KALRN: variants seen among roughly 807,000 people sequenced by gnomAD.
KALRN encodes the protein kalirin.
A neutral mutation model predicts 353.7 loss-of-function variants in KALRN; 70 were observed. That is an observed-to-expected ratio of 0.20 (90% CI 0.16 to 0.24). The LOEUF (loss-of-function observed/expected upper bound fraction) is 0.24, where lower values mean the gene tolerates loss of function less well. Ranked by LOEUF, KALRN falls within the 10% of genes least tolerant of loss-of-function variation. KALRN has a pLI of 1.00. For synonymous variants in KALRN, 1,391 were observed against 1,434.8 expected, an observed-to-expected ratio of 0.97 and a Z score of 0.69; for missense variants, 2,791 against 3,756.7, an observed-to-expected ratio of 0.74 and a Z score of 6.72.
intron 36 of KALRN, among the ~76,000 whole-genome samples, chr3:124,634,290 G>A (rs1376135323): frequency 6.6e-6 from 1 of 152,166 alleles, no homozygotes; most frequent in African/African-American, 2.4e-5. Flanking sequence ...CAACCATTTT[G>A]TCGTACCTGA....
chr3:124,339,657 A>G (rs1159486657), intron 9 of KALRN, among the ~76,000 whole-genome samples: 1 of 152,174 alleles, frequency 6.6e-6, no homozygotes, highest in East Asian at 1.9e-4. Flanking sequence ...TGCTCTTCAC[A>G]CTGTGTGTAC....
intron 21 of KALRN, among the ~76,000 whole-genome samples, chr3:124,454,456 A>G (rs1163870404): frequency 6.6e-6 from 1 of 152,258 alleles, no homozygotes; most frequent in Admixed American, 6.5e-5. Flanking sequence ...ACAGTAACAC[A>G]CTATGTAAAT....
rs1439508173 is a variant in KALRN at position 124,398,751 on chromosome 3, C to T, written c.2226C>T (p.Ile742=). 10 of 1,614,070 alleles carry T rather than the reference C, an allele frequency of 6.2e-6. No individual in the cohort carries two copies. Among genetic ancestry groups the T allele is most frequent in the African/African-American group, 4.0e-5 (3 of 74,934 alleles). The change falls in exon 13 of 60, where the codon ATC becomes ATT. Residue 742 remains isoleucine (I), a synonymous_variant. Coordinates refer to ENST00000682506, the MANE Select transcript of KALRN (RefSeq NM_001388419.1). ...CCCACAGCAGCTCCATCAGCCACAT[C>T]GAGTCGGTCCTGCAGCAGCTTGATG... The part of the protein sequence containing the change: ...KTPHSSSISH[I]ESVLQQLDDA...
intron 7 of KALRN, 148 bp from the exon 8 acceptor site, chr3:124,329,713 T>C: frequency 1.3e-6 from 1 of 793,462 alleles, no homozygotes; most frequent in Non-Finnish European, 2.0e-6. Flanking sequence ...GTTCATAGAA[T>C]TAAAAAAACT....
intron 1 of KALRN, chr3:124,094,861 G>C (rs761715314): frequency 1.2e-6 from 2 of 1,614,168 alleles, no homozygotes; most frequent in East Asian, 4.5e-5. Context: ...TCTGGGACCA[G>C]TGGTATCTCT....
At chr3:124,243,963 G>T (rs1390304505) in intron 3 of KALRN, among the ~76,000 whole-genome samples, 1 of 152,104 alleles carries the variant, frequency 6.6e-6, no homozygotes, top group African/African-American at 2.4e-5. Flanking sequence ...TTCAAAGTTA[G>T]GGTTAGGGTT....
At chr3:124,259,112 T>C (rs1246893380) in intron 3 of KALRN, among the ~76,000 whole-genome samples, 2 of 152,166 alleles carry the variant, frequency 1.3e-5, no homozygotes, top group Non-Finnish European at 2.9e-5. Flanking sequence ...CAACTAAGGA[T>C]AGGTGAAGAC....
intron 14 of KALRN, among the ~76,000 whole-genome samples, chr3:124,415,990 T>C (rs2092472323): frequency 6.6e-6 from 1 of 152,246 alleles, no homozygotes; most frequent in Admixed American, 6.5e-5. Context: ...ATCCTTTCTC[T>C]GTGATTGGGA....
At chr3:124,525,952 G>A (rs1302549207) in intron 33 of KALRN, among the ~76,000 whole-genome samples, 1 of 152,176 alleles carries the variant, frequency 6.6e-6, no homozygotes, top group Non-Finnish European at 1.5e-5. Context: ...GGTCCTTGGA[G>A]TCCTTGATTG....
intron 51 of KALRN, among the ~76,000 whole-genome samples, chr3:124,688,310 C>G (rs78709467): frequency 1.2e-5 from 1 of 83,230 alleles, no homozygotes; most frequent in Non-Finnish European, 2.5e-5. Flanking sequence ...GAGACCCTGT[C>G]AAAAAAAAAA....
rs143074320 is a variant in KALRN, at chr3:124,274,390, G to A, written c.969+5135G>A. ...CTTTTCAGGGAAGGAGCAGAGCTTC[G>A]AAGAGTTCCGGTGCATAACTAGACT... On this transcript the variant is annotated intron_variant, in intron 5 of 59. Coordinates refer to ENST00000682506, the MANE Select transcript of KALRN (RefSeq NM_001388419.1). Among the ~76,000 whole-genome samples, 359 of 152,348 alleles carry A rather than the reference G, an allele frequency of 2.4e-3. 1 individual carries two copies. Among genetic ancestry groups the A allele is most frequent in the African/African-American group, 8.3e-3 (345 of 41,578 alleles).
intron 10 of KALRN, among the ~76,000 whole-genome samples, chr3:124,365,795 A>G (rs1280124823): frequency 6.6e-6 from 1 of 152,230 alleles, no homozygotes; most frequent in African/African-American, 2.4e-5. Context: ...GTTCTATGCC[A>G]TGACACTAAG....
At chr3:124,255,955 C>A (rs543240419) in intron 3 of KALRN, among the ~76,000 whole-genome samples, 2 of 152,118 alleles carry the variant, frequency 1.3e-5, no homozygotes, top group East Asian at 1.9e-4. Flanking sequence ...TCTGTTTTAG[C>A]GAGGAGGAGA....
chr3:124,234,764 T>C, intron 2 of KALRN, 65 bp from the exon 3 acceptor site: 1 of 1,280,176 alleles, frequency 7.8e-7, no homozygotes, highest in Non-Finnish European at 1.1e-6. Flanking sequence ...CAGATTTCTT[T>C]TTCCTCTGTG....
At chr3:124,660,078 C>A (rs762616082) in intron 43 of KALRN, among the ~76,000 whole-genome samples, 5 of 151,870 alleles carry the variant, frequency 3.3e-5, no homozygotes, top group Non-Finnish European at 5.9e-5. Context: ...ACAACAGATG[C>A]ATGTCATCAT....
chr3:124,332,244 G>T (rs541137706), intron 8 of KALRN, among the ~76,000 whole-genome samples: 1 of 151,998 alleles, frequency 6.6e-6, no homozygotes, highest in African/African-American at 2.4e-5. Context: ...GGCCCCATGG[G>T]CAGGAGTAAC....
At chr3:124,135,875 A>G (rs2065864561) in intron 1 of KALRN, among the ~76,000 whole-genome samples, 1 of 152,106 alleles carries the variant, frequency 6.6e-6, no homozygotes, top group African/African-American at 2.4e-5. Context: ...TCTGCTATAT[A>G]CTGGGCATTT....
chr3:124,475,811 T>A (rs1387791081), intron 26 of KALRN, among the ~76,000 whole-genome samples: 1 of 152,196 alleles, frequency 6.6e-6, no homozygotes, highest in Non-Finnish European at 1.5e-5. Flanking sequence ...TTCCAAGCAC[T>A]CTTGTTTCTT....
intron 9 of KALRN, among the ~76,000 whole-genome samples, chr3:124,338,788 C>T (rs564289054): frequency 2.6e-5 from 4 of 152,020 alleles, no homozygotes; most frequent in African/African-American, 4.8e-5. Context: ...TAGGTCCCTG[C>T]GAACTTGCTT....
Sources: gnomAD v4.1 joint callset for allele counts (sites outside exome capture counted in the v4.1 genomes callset) on GRCh38, gnomAD v4.1.1 for gene constraint, MANE v1.5 for transcripts, NCBI Gene and HGNC (gene_info 2026-07-23, HGNC 2026-07-21) for gene names.